Variants in CDKL3 observed in about 807,000 individuals in gnomAD.
The protein encoded by CDKL3 is cyclin-dependent kinase-like 3.
CDKL3 carries 65 observed loss-of-function variants against 69.3 expected under a neutral mutation model. The observed-to-expected ratio is 0.94, with a 90% CI of 0.77 to 1.15. The LOEUF is 1.15. CDKL3 is among the 50% of genes most tolerant of loss of function. CDKL3 has a pLI of 0.00. For synonymous variants in CDKL3, 202 were observed against 221.6 expected, an observed-to-expected ratio of 0.91 and a Z score of 0.79; for missense variants, 652 against 689.2, an observed-to-expected ratio of 0.95 and a Z score of 0.61.
chr5:134,361,641 C>T (rs1430272605), intron 2 of CDKL3, among the ~76,000 whole-genome samples: 1 of 152,140 alleles, frequency 6.6e-6, no homozygotes, highest in Non-Finnish European at 1.5e-5. Context: ...TGGTGGTGCA[C>T]ACCTATAATC....
intron 12 of CDKL3, 144 bp downstream of exon 12, chr5:134,302,444 GAA>G: frequency 1.7e-6 from 1 of 598,258 alleles, no homozygotes; most frequent in Non-Finnish European, 2.9e-6. Flanking sequence ...GTTATTCTAG[GAA>G]AATATAGATC....
rs1187756729 is a variant in CDKL3 at position 134,298,810 on chromosome 5, TA to T, written c.1720-101del. ...TAATGCTAAATTACATGTAAATTAC[TA>T]AATTATAAACATGCTAGTCAAGCCA... On this transcript the variant is annotated intron_variant, in intron 12 of 12. Transcript: ENST00000265334. 4.2e-5 allele frequency: 62 copies of T among 1,469,306 alleles called. No homozygotes were observed. The East Asian group carries it at 6.4e-4, about 15-fold the overall frequency. The allele number at this position is 1,469,306 out of a possible 1,614,324, so 91.0% of individuals were successfully genotyped here.
intron 4 of CDKL3, among the ~76,000 whole-genome samples, chr5:134,344,195 T>C (rs1751242088): frequency 6.6e-6 from 1 of 152,216 alleles, no homozygotes; most frequent in African/African-American, 2.4e-5. Context: ...TTATAACTCT[T>C]AGAAGAAAAT....
In CDKL3 at chr5:134,350,420, T is replaced by C. The variant is rs201333531; in HGVS notation, c.368A>G (p.His123Arg). 8 of 1,540,416 alleles carry C rather than the reference T, an allele frequency of 5.2e-6. No individual in the cohort carries two copies. The highest frequency in any genetic ancestry group is 1.2e-5 in the South Asian group (1 of 82,946). ...IDYLHSNNII[H>R]RDIKPENILV... Reference sequence around the variant, plus strand: ...AATATTCTCAGGTTTTATATCTCGATGAATGATCTAAAAAACAAACAGAAT... The same window carrying C: ...AATATTCTCAGGTTTTATATCTCGACGAATGATCTAAAAAACAAACAGAAT... The change falls in exon 4 of 13, where the codon CAT becomes CGT. Residue 123 changes from histidine (H) to arginine (R), a missense_variant. Transcript: ENST00000265334.
chr5:134,368,430 A>T (rs1478523584), upstream of CDKL3, among the ~76,000 whole-genome samples: 1 of 152,112 alleles, frequency 6.6e-6, no homozygotes, highest in Non-Finnish European at 1.5e-5. Context: ...CATCCTGGCT[A>T]ACACGGTGAA....
At chr5:134,312,678 T>G (rs1769889326) in intron 6 of CDKL3, among the ~76,000 whole-genome samples, 1 of 152,228 alleles carries the variant, frequency 6.6e-6, no homozygotes, top group African/African-American at 2.4e-5. Context: ...TGATCCTCTT[T>G]TCTGCCCTGA....
intron 4 of CDKL3, among the ~76,000 whole-genome samples, chr5:134,322,579 C>A (rs898550191): frequency 6.6e-6 from 1 of 152,154 alleles, no homozygotes; most frequent in Non-Finnish European, 1.5e-5. Context: ...CACTGCAGCA[C>A]TGTTCGTAGA....
chr5:134,357,404 A>T (rs928722954), intron 3 of CDKL3, among the ~76,000 whole-genome samples: 4 of 152,098 alleles, frequency 2.6e-5, no homozygotes, highest in Non-Finnish European at 5.9e-5. Flanking sequence ...ACGCCATTGC[A>T]CTCCAGCCTG....
chr5:134,336,119 T>C (rs1462237468), intron 4 of CDKL3, among the ~76,000 whole-genome samples: 3 of 152,240 alleles, frequency 2.0e-5, no homozygotes, highest in Non-Finnish European at 4.4e-5. Flanking sequence ...AAATCAGCTA[T>C]TGAAGCTTGT....
intron 2 of CDKL3, among the ~76,000 whole-genome samples, chr5:134,365,059 T>C (rs1351297390): frequency 2.0e-5 from 3 of 151,592 alleles, no homozygotes; most frequent in Non-Finnish European, 4.4e-5. Context: ...CTTGGCTCAC[T>C]GCAAGCTCCG....
rs769447490 is a variant in CDKL3 at position 134,312,312 on chromosome 5, A to G, written c.861T>C (p.Thr287=). ...SSDLLHHEYF[T]RDGFIEKFMP... ...CTTACTTTTCAATAAATCCATCTCT[A>G]GTAAAATACTCATGATGCAAAAGAT... The change falls in exon 7 of 13, where the codon ACT becomes ACC. Residue 287 remains threonine, a synonymous_variant. Coordinates refer to ENST00000265334, the MANE Select transcript of CDKL3 (RefSeq NM_001113575.2). The G allele has an allele frequency of 1.9e-6, 3 of 1,588,918 alleles. No individual in the cohort carries two copies. In the African/African-American group the frequency reaches 4.0e-5, roughly 21 times the overall value.
At chr5:134,314,460 G>A (rs1770455906) in intron 6 of CDKL3, among the ~76,000 whole-genome samples, 1 of 152,192 alleles carries the variant, frequency 6.6e-6, no homozygotes, top group Admixed American at 6.5e-5. Context: ...TCTGCAGGAG[G>A]AATGAAAATA....
chr5:134,285,085 T>G (rs1764802501), downstream of CDKL3, among the ~76,000 whole-genome samples: 1 of 152,254 alleles, frequency 6.6e-6, no homozygotes, highest in African/African-American at 2.4e-5. Context: ...ATTTATGTTC[T>G]TCTGCCATGG....
downstream of CDKL3, among the ~76,000 whole-genome samples, chr5:134,284,500 G>A (rs995446059): frequency 6.6e-6 from 1 of 152,204 alleles, no homozygotes; most frequent in African/African-American, 2.4e-5. Flanking sequence ...GTCCTGCTGG[G>A]CACACAGTGT....
At chr5:134,354,658 C>T (rs976888724) in intron 3 of CDKL3, among the ~76,000 whole-genome samples, 5 of 151,982 alleles carry the variant, frequency 3.3e-5, no homozygotes, top group Admixed American at 2.0e-4. Context: ...ATTAAGATAC[C>T]GCTTCAGGAG....
intron 6 of CDKL3, among the ~76,000 whole-genome samples, chr5:134,316,457 G>T (rs1181018551): frequency 6.6e-6 from 1 of 152,068 alleles, no homozygotes; most frequent in Non-Finnish European, 1.5e-5. Flanking sequence ...AATTAGCCAG[G>T]CGTGGTGGAG....
chr5:134,340,212 C>A (rs1750131179), intron 4 of CDKL3, among the ~76,000 whole-genome samples: 1 of 152,012 alleles, frequency 6.6e-6, no homozygotes, highest in Admixed American at 6.6e-5. Flanking sequence ...ACACAACATA[C>A]CAGCATTTGT....
At chr5:134,316,584 G>A (rs1221082762) in intron 6 of CDKL3, among the ~76,000 whole-genome samples, 1 of 147,738 alleles carries the variant, frequency 6.8e-6, no homozygotes, top group African/African-American at 2.5e-5. Flanking sequence ...GTGACAGAGC[G>A]AGACTCCATC....
chr5:134,294,702 G>A (rs1294922306), downstream of CDKL3, among the ~76,000 whole-genome samples: 4 of 151,938 alleles, frequency 2.6e-5, no homozygotes, highest in African/African-American at 9.7e-5. Flanking sequence ...AGGGAGTCAG[G>A]AGAGAAAGAA....
Sources: gnomAD v4.1 joint callset for allele counts (sites outside exome capture counted in the v4.1 genomes callset) on GRCh38, gnomAD v4.1.1 for gene constraint, MANE v1.5 for transcripts, NCBI Gene and HGNC (gene_info 2026-07-23, HGNC 2026-07-21) for gene names.